Variants in GAB2 observed in about 807,000 individuals in gnomAD.
GAB2 encodes GRB2 associated binding protein 2, also known as GRB2-associated-binding protein 2.
In GAB2, 26 loss-of-function variants were observed where a neutral mutation model predicts 65.5. The observed-to-expected ratio is 0.40, with a 90% CI of 0.29 to 0.55. GAB2 has a LOEUF of 0.55. Ranked by LOEUF, GAB2 falls within the 20% of genes least tolerant of loss-of-function variation. The probability of loss-of-function intolerance (pLI) is 0.53; values close to 1 mark genes in which losing one functional copy is unlikely to be tolerated. For missense variants in GAB2, 884 were observed against 875.8 expected, an observed-to-expected ratio of 1.01 and a Z score of -0.12; for synonymous variants, 321 against 329.6, an observed-to-expected ratio of 0.97 and a Z score of 0.28.
intron 1 of GAB2, among the ~76,000 whole-genome samples, chr11:78,291,555 CTTTTTCTTTTTTTTT>C (rs1460740022): frequency 5.3e-4 from 29 of 55,052 alleles, no homozygotes; most frequent in South Asian, 6.9e-4. Flanking sequence ...TTACTTTTTT[CTTTTTCTTTTTTTTT>C]TTTTTTTTTT....
chr11:78,221,051 A>G (rs2134453604), intron 8 of GAB2, among the ~76,000 whole-genome samples: 1 of 152,288 alleles, frequency 6.6e-6, no homozygotes, highest in Middle Eastern at 3.4e-3. Context: ...TTCAGATGAC[A>G]CGCTCTAGGA....
intron 1 of GAB2, among the ~76,000 whole-genome samples, chr11:78,314,093 A>AGG (rs1164481286): frequency 1.3e-5 from 2 of 152,222 alleles, no homozygotes; most frequent in Admixed American, 6.5e-5. Flanking sequence ...CAAGGCCAGG[A>AGG]GGGGAAGTAA....
intron 1 of GAB2, among the ~76,000 whole-genome samples, chr11:78,415,524 C>T (rs748123783): frequency 6.6e-6 from 1 of 152,220 alleles, no homozygotes; most frequent in Non-Finnish European, 1.5e-5. Context: ...ACACATATCA[C>T]CAGTTTCAGT....
In GAB2 at chr11:78,417,638, G is replaced by GCACTCA; in HGVS notation, c.75+2_75+7dup. 3.8e-6 allele frequency: 5 copies of GCACTCA among 1,329,230 alleles called. No homozygotes were observed. The highest frequency in any genetic ancestry group is 4.9e-6 in the Non-Finnish European group (5 of 1,012,598). The allele number at this position is 1,329,230 out of a possible 1,614,324, so 82.3% of individuals were successfully genotyped here. Reference sequence around the variant, plus strand: ...CGCCCGCCCCTGGGCGGCCGCGCCCGCACTCACATAGCGCCTCAACTTCTT... The same window carrying GCACTCA: ...CGCCCGCCCCTGGGCGGCCGCGCCCGCACTCACACTCACATAGCGCCTCAACTTCTT... On this transcript the variant is annotated splice_region_variant and intron_variant, in intron 1 of 9. Transcript: ENST00000361507.
At chr11:78,361,558 A>T (rs940487134) in intron 1 of GAB2, among the ~76,000 whole-genome samples, 7 of 152,222 alleles carry the variant, frequency 4.6e-5, no homozygotes, top group Non-Finnish European at 1.0e-4. Context: ...ATCAGTAAGA[A>T]CATTAACCCT....
At chr11:78,278,361 T>G (rs1200675182) in intron 2 of GAB2, among the ~76,000 whole-genome samples, 1 of 151,920 alleles carries the variant, frequency 6.6e-6, no homozygotes, top group Non-Finnish European at 1.5e-5. Flanking sequence ...TGAGTCACCG[T>G]GCCCAGTCTG....
rs751533828 is a variant in GAB2 at position 78,267,857 on chromosome 11, C to CAAAAAAAAAAAAAAAAAAAAAAAAAAAAA, written c.376+12743_376+12744insTTTTTTTTTTTTTTTTTTTTTTTTTTTTT. Reference sequence around the variant, plus strand: ...TGGGTGATAGAGCGAGACTCCGTCTCAAAAAAAAAAAAAAAAAAAAAAAAG... The same window carrying CAAAAAAAAAAAAAAAAAAAAAAAAAAAAA: ...TGGGTGATAGAGCGAGACTCCGTCTCAAAAAAAAAAAAAAAAAAAAAAAAAAAAAAAAAAAAAAAAAAAAAAAAAAAAAG... On this transcript the variant is annotated intron_variant, in intron 2 of 9. Coordinates refer to ENST00000361507, the MANE Select transcript of GAB2 (RefSeq NM_080491.3). 4.9e-4 allele frequency among the ~76,000 whole-genome samples: 16 copies of CAAAAAAAAAAAAAAAAAAAAAAAAAAAAA among 32,800 alleles called. 1 individual carries two copies. Among genetic ancestry groups the CAAAAAAAAAAAAAAAAAAAAAAAAAAAAA allele is most frequent in the South Asian group, 1.6e-3 (1 of 634 alleles). 21.5% of individuals were successfully genotyped at this position (32,800 alleles called of 152,430 possible).
intron 1 of GAB2, among the ~76,000 whole-genome samples, chr11:78,336,088 C>T (rs1049358467): frequency 1.3e-5 from 2 of 151,750 alleles, no homozygotes; most frequent in Admixed American, 6.6e-5. Context: ...CGGAGGGAGG[C>T]GGATCACTGG....
chr11:78,355,529 AGGCGG>A (rs915884988), intron 1 of GAB2, among the ~76,000 whole-genome samples: 1 of 152,084 alleles, frequency 6.6e-6, no homozygotes, highest in African/African-American at 2.4e-5. Context: ...GACCAAGCTC[AGGCGG>A]GGCATGATGG....
At chr11:78,283,820 C>T (rs755079965) in intron 1 of GAB2, among the ~76,000 whole-genome samples, 24 of 152,170 alleles carry the variant, frequency 1.6e-4, no homozygotes, top group Non-Finnish European at 2.8e-4. Context: ...GTCTCCAGTG[C>T]TGGCTCCTCT....
At chr11:78,278,322 G>C (rs773293081) in intron 2 of GAB2, among the ~76,000 whole-genome samples, 3 of 151,668 alleles carry the variant, frequency 2.0e-5, no homozygotes, top group Non-Finnish European at 4.4e-5. Context: ...CACCTGCCTC[G>C]ACCTCCCAAA....
rs1453244646 is a variant in GAB2 at position 78,217,591 on chromosome 11, G to A, written c.*1681C>T. Reference sequence around the variant, plus strand: ...CGCCCCAGGGTAGAATGAAACGTCTGGTCTGTCCTGTTGCTTCTGAAACTC... The same window carrying A: ...CGCCCCAGGGTAGAATGAAACGTCTAGTCTGTCCTGTTGCTTCTGAAACTC... On this transcript the variant is annotated 3_prime_UTR_variant, in exon 10 of 10. Coordinates refer to ENST00000361507, the MANE Select transcript of GAB2 (RefSeq NM_080491.3). 6.6e-6 allele frequency: 1 copy of A among 152,128 alleles called. No individual in the cohort carries two copies. The highest frequency in any genetic ancestry group is 6.5e-5 in the Admixed American group (1 of 15,270). The allele number at this position is 152,128 out of a possible 1,614,324, so 9.4% of individuals were successfully genotyped here.
At chr11:78,356,738 G>A (rs1187782896) in intron 1 of GAB2, among the ~76,000 whole-genome samples, 1 of 152,222 alleles carries the variant, frequency 6.6e-6, no homozygotes, top group Non-Finnish European at 1.5e-5. Context: ...ATGAAAGCAG[G>A]TGGAAGCAAC....
chr11:78,399,049 A>T (rs1856937715), intron 1 of GAB2, among the ~76,000 whole-genome samples: 1 of 152,214 alleles, frequency 6.6e-6, no homozygotes, highest in Non-Finnish European at 1.5e-5. Context: ...CTAATTGATC[A>T]CTTTGAAGGA....
intron 1 of GAB2, among the ~76,000 whole-genome samples, chr11:78,296,190 C>A (rs371217677): frequency 3.9e-5 from 6 of 152,202 alleles, no homozygotes; most frequent in African/African-American, 1.4e-4. Context: ...CTGCTCACCT[C>A]CTGCTGTGAG....
chr11:78,409,782 A>T (rs938030794), intron 1 of GAB2, among the ~76,000 whole-genome samples: 1 of 152,226 alleles, frequency 6.6e-6, no homozygotes, highest in Non-Finnish European at 1.5e-5. Flanking sequence ...TATAATTGAC[A>T]TTTATGGAAT....
intron 2 of GAB2, among the ~76,000 whole-genome samples, chr11:78,276,431 C>G (rs148386339): frequency 4.6e-4 from 70 of 152,254 alleles, no homozygotes; most frequent in Non-Finnish European, 8.5e-4. Context: ...ACAAAACACT[C>G]AATTATTTGT....
At chr11:78,243,447 G>A (rs1244920785) in intron 3 of GAB2, among the ~76,000 whole-genome samples, 1 of 152,078 alleles carries the variant, frequency 6.6e-6, no homozygotes. Flanking sequence ...CAGCCTGGGT[G>A]ACACAGCGAG....
At chr11:78,244,349 A>G (rs1590961089) in intron 3 of GAB2, among the ~76,000 whole-genome samples, 5 of 151,740 alleles carry the variant, frequency 3.3e-5, no homozygotes, top group Admixed American at 2.6e-4. Flanking sequence ...CCAAGATCGC[A>G]CCATTGCACT....
Sources: gnomAD v4.1 joint callset for allele counts (sites outside exome capture counted in the v4.1 genomes callset) on GRCh38, gnomAD v4.1.1 for gene constraint, MANE v1.5 for transcripts, NCBI Gene and HGNC (gene_info 2026-07-23, HGNC 2026-07-21) for gene names.